The following AKAP6 variants were observed in gnomAD, a reference collection of about 807,000 sequenced individuals.
AKAP6 encodes the protein A-kinase anchor protein 6.
In AKAP6, 58 loss-of-function variants were observed where a neutral mutation model predicts 188.5. The observed-to-expected ratio is 0.31, with a 90% CI of 0.25 to 0.38. The LOEUF is 0.38. AKAP6 is among the 10% of genes least tolerant of loss of function. The pLI is 1.00. For synonymous variants in AKAP6, 989 were observed against 998.6 expected (o/e 0.99, Z 0.18); for missense variants, 2,710 against 2,740.0 (o/e 0.99, Z 0.24).
chr14:32,790,303 C>A (rs1173646661), intron 12 of AKAP6, among the ~76,000 whole-genome samples: 1 of 152,086 alleles, frequency 6.6e-6, no homozygotes, highest in African/African-American at 2.4e-5. Context: ...ATACTACAGG[C>A]TTTCATCCAG....
At chr14:32,526,553 TATCTTTTGTAGAG>T (rs1287149143) in intron 2 of AKAP6, among the ~76,000 whole-genome samples, 13 of 152,258 alleles carry the variant, frequency 8.5e-5, no homozygotes, top group African/African-American at 3.1e-4. Context: ...ATACTTTTTG[TATCTTTTGTAGAG>T]ATGGGTTTTT....
intron 7 of AKAP6, among the ~76,000 whole-genome samples, chr14:32,632,283 G>A (rs955000823): frequency 1.3e-5 from 2 of 151,922 alleles, no homozygotes; most frequent in Admixed American, 6.6e-5. Flanking sequence ...GCTGTATAGG[G>A]GGATCTTAAC....
At position 32,824,404 on chromosome 14, in the gene AKAP6, G is replaced by C. The variant is rs369558543; in HGVS notation, c.6591G>C (p.Glu2197Asp). The change falls in exon 13 of 14, where the codon GAG (glutamate) becomes GAC (aspartate). Residue 2197 changes from glutamate to aspartate, a missense_variant. Glu to Asp is a conservative substitution (Grantham distance 45). This residue lies in a region of AKAP6 where 2,473 missense variants were observed against 2,426.1 expected (regional missense o/e 1.02). Transcript: ENST00000280979. ...MPLQATACSS[E>D]FSDSSLSADD... Reference sequence around the variant, plus strand: ...TACAAGCAACAGCATGTTCTTCTGAGTTCAGTGATAGTTCTCTTTCAGCTG... The same window carrying C: ...TACAAGCAACAGCATGTTCTTCTGACTTCAGTGATAGTTCTCTTTCAGCTG... 6.2e-7 allele frequency: 1 copy of C among 1,613,810 alleles called. No individual in the cohort carries two copies.
intron 11 of AKAP6, among the ~76,000 whole-genome samples, chr14:32,740,227 A>AT (rs1406312915): frequency 5.3e-5 from 8 of 151,522 alleles, no homozygotes; most frequent in African/African-American, 1.5e-4. Flanking sequence ...ATATTATTAG[A>AT]TTTTTTCCCT....
chr14:32,601,031 G>A (rs567997245), intron 7 of AKAP6, among the ~76,000 whole-genome samples: 4 of 152,096 alleles, frequency 2.6e-5, no homozygotes, highest in Admixed American at 6.6e-5. Context: ...GTGGGGGACA[G>A]TACTTTAAGG....
intron 9 of AKAP6, among the ~76,000 whole-genome samples, chr14:32,705,349 A>T (rs1890770591): frequency 6.6e-6 from 1 of 152,176 alleles, no homozygotes. Context: ...GGCATTGGGA[A>T]GGGAAGAGAG....
At chr14:32,330,066 T>C (rs1422918941) in intron 1 of AKAP6, among the ~76,000 whole-genome samples, 1 of 152,148 alleles carries the variant, frequency 6.6e-6, no homozygotes, top group African/African-American at 2.4e-5. Flanking sequence ...TTTTTCCATC[T>C]CTAGCTAGTC....
intron 3 of AKAP6, among the ~76,000 whole-genome samples, chr14:32,544,308 C>G (rs1222137595): frequency 2.6e-5 from 4 of 152,160 alleles, no homozygotes; most frequent in African/African-American, 9.7e-5. Flanking sequence ...TAGGATAGTT[C>G]CCAGGGCTCT....
chr14:32,822,138 A>G lies in AKAP6; in HGVS notation c.4325A>G (p.Asp1442Gly). The G allele has an allele frequency of 6.2e-7, 1 of 1,613,906 alleles. No individual in the cohort carries two copies. The highest frequency in any genetic ancestry group is 2.2e-5 in the East Asian group (1 of 44,876). ...GGTTGTGTAAATGGAAAAGTTGGAG[A>G]TTTAAACAGTATTACCAAACATACC... ...PVGCVNGKVG[D>G]LNSITKHTPD... Residue 1442 changes from aspartate (D) to glycine (G), a missense_variant, in exon 13 of 14, where the codon GAT becomes GGT. Coordinates refer to ENST00000280979, the MANE Select transcript of AKAP6 (RefSeq NM_004274.5).
intron 2 of AKAP6, among the ~76,000 whole-genome samples, chr14:32,465,513 T>A (rs1441373947): frequency 6.6e-6 from 1 of 152,168 alleles, no homozygotes; most frequent in African/African-American, 2.4e-5. Flanking sequence ...TAATAAATAA[T>A]GTTGGGAAAA....
rs55702209 is a variant in AKAP6, at chr14:32,404,691, G to GATATATATATAT, written c.-34-28760_-34-28749dup. 6.3e-3 allele frequency among the ~76,000 whole-genome samples: 278 copies of GATATATATATAT among 44,420 alleles called. 28 individuals carry two copies. The highest frequency in any genetic ancestry group is 0.013 in the African/African-American group (184 of 13,984). The allele number at this position is 44,420 out of a possible 152,430, so 29.1% of individuals were successfully genotyped here. On this transcript the variant is annotated intron_variant, in intron 1 of 13. Coordinates refer to ENST00000280979, the MANE Select transcript of AKAP6 (RefSeq NM_004274.5). Reference sequence around the variant, plus strand: ...AGAGTGGGGTTATGAGGAGTCAGGAGATATATATATATATATATATTAGTC... The same window carrying GATATATATATAT: ...AGAGTGGGGTTATGAGGAGTCAGGAGATATATATATATATATATATATATATATATATTAGTC...
At chr14:32,662,200 T>G (rs546371796) in intron 7 of AKAP6, among the ~76,000 whole-genome samples, 1 of 152,120 alleles carries the variant, frequency 6.6e-6, no homozygotes, top group African/African-American at 2.4e-5. Flanking sequence ...TTTATAGTTC[T>G]CTTTAAATAT....
chr14:32,488,010 G>C (rs1429425199), intron 2 of AKAP6, among the ~76,000 whole-genome samples: 2 of 152,202 alleles, frequency 1.3e-5, no homozygotes, highest in Non-Finnish European at 2.9e-5. Flanking sequence ...TGGGGTCAGG[G>C]ACCCACTTGA....
At chr14:32,599,264 T>G in intron 5 of AKAP6, 146 bp from the exon 6 acceptor site, 2 of 599,458 alleles carry the variant, frequency 3.3e-6, no homozygotes, top group Non-Finnish European at 5.7e-6. Flanking sequence ...ATCCCAAATA[T>G]CAATAGCTTT....
Position 32,530,362 on chromosome 14 carries a change from T to G in AKAP6, c.325-5192T>G, listed in dbSNP as rs549048366. The stretch of plus-strand genomic sequence containing the variant: ...TTTGCCTTTCTTTCCTTCTTTTTTT[T>G]TGTGTGTGTGTTTTAGAGGATTGCA... On this transcript the variant is annotated intron_variant, in intron 2 of 13. Coordinates refer to ENST00000280979, the MANE Select transcript of AKAP6 (RefSeq NM_004274.5). Among the ~76,000 whole-genome samples, 39 of 152,122 alleles carry G rather than the reference T, an allele frequency of 2.6e-4. No individual in the cohort carries two copies. The East Asian group carries it at 4.1e-3, about 16-fold the overall frequency.
At chr14:32,658,739 A>C (rs1360885400) in intron 7 of AKAP6, among the ~76,000 whole-genome samples, 1 of 151,392 alleles carries the variant, frequency 6.6e-6, no homozygotes, top group African/African-American at 2.4e-5. Context: ...GATTATATGA[A>C]GCACAGTGGA....
chr14:32,584,289 G>A (rs1486125358), intron 5 of AKAP6, among the ~76,000 whole-genome samples: 1 of 152,202 alleles, frequency 6.6e-6, no homozygotes, highest in Non-Finnish European at 1.5e-5. Flanking sequence ...TGAGCAGGTA[G>A]CATATACAGC....
chr14:32,791,241 A>G (rs1305972885), intron 12 of AKAP6, among the ~76,000 whole-genome samples: 1 of 152,172 alleles, frequency 6.6e-6, no homozygotes, highest in Non-Finnish European at 1.5e-5. Flanking sequence ...CCAACAGTAT[A>G]AAAGCGTTCC....
At chr14:32,669,310 G>C (rs1889078810) in intron 7 of AKAP6, among the ~76,000 whole-genome samples, 1 of 152,168 alleles carries the variant, frequency 6.6e-6, no homozygotes, top group East Asian at 1.9e-4. Context: ...TGGCATCCAT[G>C]CAGGACTAGA....
Sources: gnomAD v4.1 joint callset for allele counts (sites outside exome capture counted in the v4.1 genomes callset) on GRCh38, gnomAD v4.1.1 for gene constraint, gnomAD v4.1.1 regional missense constraint, MANE v1.5 for transcripts, NCBI Gene and HGNC (gene_info 2026-07-23, HGNC 2026-07-21) for gene names.